Variants in SLC7A11 observed in about 807,000 individuals in gnomAD.
The protein encoded by SLC7A11 is cystine/glutamate transporter.
SLC7A11 carries 35 observed loss-of-function variants against 54.5 expected under a neutral mutation model. That is an observed-to-expected ratio of 0.64 (90% CI 0.49 to 0.85). SLC7A11 has a LOEUF of 0.85. SLC7A11 is among the 40% of genes least tolerant of loss of function. The probability of loss-of-function intolerance (pLI) is 0.00; values close to 1 mark genes in which losing one functional copy is unlikely to be tolerated. For missense variants in SLC7A11, 583 were observed against 618.1 expected (o/e 0.94, Z 0.60); for synonymous variants, 230 against 225.2 (o/e 1.02, Z -0.19).
intron 3 of SLC7A11, among the ~76,000 whole-genome samples, chr4:138,224,262 G>A (rs370733054): frequency 2.0e-5 from 3 of 152,102 alleles, no homozygotes; most frequent in African/African-American, 7.2e-5. Flanking sequence ...GGATGACTGA[G>A]GTTATTCTAG....
chr4:138,181,370 G>A (rs535881698), intron 9 of SLC7A11, among the ~76,000 whole-genome samples: 1 of 152,014 alleles, frequency 6.6e-6, no homozygotes, highest in Non-Finnish European at 1.5e-5. Flanking sequence ...AGACCACGGA[G>A]AAGAATGAAG....
intron 1 of SLC7A11, among the ~76,000 whole-genome samples, chr4:138,237,861 C>T (rs562625121): frequency 3.5e-5 from 5 of 143,642 alleles, no homozygotes; most frequent in South Asian, 4.5e-4. Context: ...AAGTGATTCT[C>T]CTGCCTCAGC....
At chr4:138,208,232 C>A (rs1433418419) in intron 6 of SLC7A11, among the ~76,000 whole-genome samples, 1 of 152,026 alleles carries the variant, frequency 6.6e-6, no homozygotes, top group Non-Finnish European at 1.5e-5. Context: ...GTGTTGATAG[C>A]CTGTTTTTCA....
chr4:138,228,811 C>T (rs1295998770), intron 3 of SLC7A11, among the ~76,000 whole-genome samples: 2 of 147,158 alleles, frequency 1.4e-5, no homozygotes, highest in Non-Finnish European at 3.0e-5. Flanking sequence ...AAATATTGAG[C>T]TATAAGAGAG....
intron 6 of SLC7A11, among the ~76,000 whole-genome samples, chr4:138,201,761 C>A (rs1737291366): frequency 6.6e-6 from 1 of 151,988 alleles, no homozygotes; most frequent in Non-Finnish European, 1.5e-5. Context: ...AAAAAGCATA[C>A]CATTAAATAA....
chr4:138,225,171 T>TATATATATATAA lies in SLC7A11; in HGVS notation c.521-1848_521-1847insTTATATATATAT, dbSNP rs1491164718. On this transcript the variant is annotated intron_variant, in intron 3 of 11. Coordinates refer to ENST00000280612, the MANE Select transcript of SLC7A11 (RefSeq NM_014331.4). ...ATATATATATATATATATATATATATAAATAAAATCATTACATTGTACACC... is the reference window on the plus strand; with the variant it reads ...ATATATATATATATATATATATATATATATATATATAAAAATAAAATCATTACATTGTACACC... Among the ~76,000 whole-genome samples the TATATATATATAA allele has an allele frequency of 4.6e-5, 6 of 131,476 alleles. No homozygotes were observed. The East Asian group carries it at 1.1e-3, about 25-fold the overall frequency. The allele number at this position is 131,476 out of a possible 152,430, so 86.3% of individuals were successfully genotyped here. A position where few individuals can be genotyped will look rare whatever the true frequency, so the allele number is the denominator to read the frequency against.
chr4:138,237,732 TATA>T (rs1446201211), intron 1 of SLC7A11, among the ~76,000 whole-genome samples: 22 of 13,406 alleles, frequency 1.6e-3, no homozygotes, highest in African/African-American at 1.8e-3. Context: ...TATATATATA[TATA>T]TATTTTTTTT....
chr4:138,231,171 C>A (rs751520007), intron 3 of SLC7A11, among the ~76,000 whole-genome samples: 57 of 151,736 alleles, frequency 3.8e-4, no homozygotes, highest in African/African-American at 1.3e-3. Context: ...TAATAGACAT[C>A]GGAGACTCAG....
chr4:138,190,264 G>C (rs967795612), intron 6 of SLC7A11, among the ~76,000 whole-genome samples: 2 of 151,854 alleles, frequency 1.3e-5, no homozygotes, highest in Admixed American at 1.3e-4. Context: ...GAGGGAAAGA[G>C]AAAAAATTAA....
At chr4:138,210,291 C>G (rs745913789) in intron 6 of SLC7A11, among the ~76,000 whole-genome samples, 169 of 151,804 alleles carry the variant, frequency 1.1e-3, no homozygotes, top group Non-Finnish European at 2.1e-3. Context: ...TCTAAAAACC[C>G]AAGAAGAAAA....
rs1491392210 is a variant in SLC7A11 at position 138,225,171 on chromosome 4, T to TAA, written c.521-1849_521-1848dup. Among the ~76,000 whole-genome samples, 17 of 131,472 alleles carry TAA rather than the reference T, an allele frequency of 1.3e-4. No homozygotes were observed. The East Asian group carries it at 3.0e-3, about 23-fold the overall frequency. 86.3% of individuals were successfully genotyped at this position (131,472 alleles called of 152,430 possible). A position where few individuals can be genotyped will look rare whatever the true frequency, so the allele number is the denominator to read the frequency against. On this transcript the variant is annotated intron_variant, in intron 3 of 11. Transcript: ENST00000280612. ...ATATATATATATATATATATATATATAAATAAAATCATTACATTGTACACC... is the reference window on the plus strand; with the variant it reads ...ATATATATATATATATATATATATATAAAAATAAAATCATTACATTGTACACC...
Position 138,171,450 on chromosome 4 carries a change from T to G in SLC7A11, c.*506A>C, listed in dbSNP as rs954676513. 3 of 153,276 alleles carry G rather than the reference T, an allele frequency of 2.0e-5. No homozygotes were observed. The highest frequency in any genetic ancestry group is 7.2e-5 in the African/African-American group (3 of 41,452). The allele number at this position is 153,276 out of a possible 1,614,324, so 9.5% of individuals were successfully genotyped here. A position where few individuals can be genotyped will look rare whatever the true frequency, so the allele number is the denominator to read the frequency against. On this transcript the variant is annotated 3_prime_UTR_variant, in exon 12 of 12. Transcript: ENST00000280612. The stretch of plus-strand genomic sequence containing the variant: ...AGTGTTTGTTATCTAAATTGGTATC[T>G]AAGGGGAAGCAATGCAATGTCAATG...
rs554325259 is a variant in SLC7A11, at chr4:138,219,312, G to A, written c.700C>T (p.Arg234Trp). 51 of 1,610,774 alleles carry A rather than the reference G, an allele frequency of 3.2e-5. No homozygotes were observed. The highest frequency in any genetic ancestry group is 1.3e-4 in the East Asian group (6 of 44,806). The change falls in exon 5 of 12, where the codon CGG becomes TGG. Residue 234 changes from arginine (R) to tryptophan (W), a missense_variant. Transcript: ENST00000280612. ...AFSGRDSSIT[R>W]LPLAFYYGMY... ...CCATAATAAAAAGCCAGTGGCAACC[G>A]CGTAATACTTGAATCTCTTCCTGAA... is the stretch of plus-strand genomic sequence containing the variant.
intron 1 of SLC7A11, among the ~76,000 whole-genome samples, chr4:138,237,294 C>T (rs1304911040): frequency 1.3e-5 from 2 of 151,452 alleles, no homozygotes; most frequent in African/African-American, 4.8e-5. Context: ...GCCAAGATTT[C>T]ATTTAATTTG....
intron 6 of SLC7A11, among the ~76,000 whole-genome samples, chr4:138,201,711 G>A (rs533437081): frequency 6.6e-6 from 1 of 152,168 alleles, no homozygotes; most frequent in Admixed American, 6.6e-5. Flanking sequence ...TAGTCCCTAT[G>A]GGTGACAAAT....
At chr4:138,179,602 CTTAAT>C (rs913855193) in intron 10 of SLC7A11, among the ~76,000 whole-genome samples, 10 of 152,258 alleles carry the variant, frequency 6.6e-5, no homozygotes, top group African/African-American at 2.2e-4. Context: ...TGTAATTCAA[CTTAAT>C]TTAAATTGTT....
At chr4:138,206,402 G>A (rs1040988282) in intron 6 of SLC7A11, among the ~76,000 whole-genome samples, 1 of 134,268 alleles carries the variant, frequency 7.4e-6, no homozygotes, top group Admixed American at 7.3e-5. Context: ...TATATATATA[G>A]CCTCAAAAGA....
intron 6 of SLC7A11, among the ~76,000 whole-genome samples, chr4:138,201,085 C>T (rs1441602193): frequency 6.6e-6 from 1 of 152,054 alleles, no homozygotes; most frequent in Non-Finnish European, 1.5e-5. Flanking sequence ...GGCAGTCTCC[C>T]AGGACCTAGA....
intron 6 of SLC7A11, among the ~76,000 whole-genome samples, chr4:138,192,589 T>C (rs1737037446): frequency 6.6e-6 from 1 of 152,128 alleles, no homozygotes; most frequent in African/African-American, 2.4e-5. Context: ...TCAAGACTTT[T>C]TTGTAGCTTT....
Sources: gnomAD v4.1 joint callset for allele counts (sites outside exome capture counted in the v4.1 genomes callset) on GRCh38, gnomAD v4.1.1 for gene constraint, MANE v1.5 for transcripts, NCBI Gene and HGNC (gene_info 2026-07-23, HGNC 2026-07-21) for gene names.